KLHL30: variants seen among roughly 807,000 people sequenced by gnomAD.
The protein encoded by KLHL30 is kelch-like protein 30.
In KLHL30, 55 loss-of-function variants were observed where a neutral mutation model predicts 55.0. The observed-to-expected ratio is 1.00, with a 90% CI of 0.80 to 1.25. The LOEUF is 1.25. KLHL30 is among the 50% of genes most tolerant of loss of function. The pLI is 0.00. For synonymous variants in KLHL30, 356 were observed against 372.6 expected, an observed-to-expected ratio of 0.96 and a Z score of 0.51; for missense variants, 786 against 811.6, an observed-to-expected ratio of 0.97 and a Z score of 0.38.
At position 238,147,842 on chromosome 2, in the gene KLHL30, C is replaced by T. The variant is rs748201482; in HGVS notation, c.1159C>T (p.Leu387=). The part of the protein sequence containing the change: ...GEIYVIGGTT[L]DVVEVESYDP... ...CCGCCCTCACCCCACAGGCACCACC[C>T]TGGACGTGGTGGAGGTGGAGAGCTA... Residue 387 remains leucine, a synonymous_variant, in exon 6 of 8, where the codon CTG becomes TTG. Transcript: ENST00000409223. The surrounding 1 kb of genome is among the most constrained non-coding windows in gnomAD (Gnocchi z 5.8). 7 of 1,513,662 alleles carry T rather than the reference C, an allele frequency of 4.6e-6. No individual in the cohort carries two copies. Among genetic ancestry groups the T allele is most frequent in the South Asian group, 1.3e-5 (1 of 77,706 alleles). The allele number at this position is 1,513,662 out of a possible 1,614,324, so 93.8% of individuals were successfully genotyped here. A position where few individuals can be genotyped will look rare whatever the true frequency, so the allele number is the denominator to read the frequency against.
intron 6 of KLHL30, among the ~76,000 whole-genome samples, chr2:238,148,356 G>A (rs940459303): frequency 2.6e-5 from 4 of 152,200 alleles, no homozygotes; most frequent in African/African-American, 9.6e-5. Context: ...CAGCTGCCTG[G>A]CTGTTCTTCT....
At chr2:238,150,569 T>A (rs780844453) in intron 7 of KLHL30, among the ~76,000 whole-genome samples, 8 of 151,630 alleles carry the variant, frequency 5.3e-5, no homozygotes, top group Non-Finnish European at 1.0e-4. Context: ...ACTGCAGGGG[T>A]TGGAAGTGTC....
chr2:238,150,706 C>T, intron 7 of KLHL30, 108 bp from the exon 8 acceptor site: 1 of 1,305,980 alleles, frequency 7.7e-7, no homozygotes, highest in South Asian at 1.4e-5. Context: ...GGATCTGGGC[C>T]AGGTGGCTGG....
Position 238,151,253 on chromosome 2 carries a change from C to A in KLHL30, c.*188C>A. The A allele has an allele frequency of 1.3e-6, 1 of 789,484 alleles. No homozygotes were observed. Among genetic ancestry groups the A allele is most frequent in the Non-Finnish European group, 2.0e-6 (1 of 509,166 alleles). 48.9% of individuals were successfully genotyped at this position (789,484 alleles called of 1,614,324 possible). On this transcript the variant is annotated 3_prime_UTR_variant, in exon 8 of 8. Transcript: ENST00000409223. The stretch of plus-strand genomic sequence containing the variant: ...AGCCTTGGTCTCTGTGGCCACCACA[C>A]TAAACTCTGAGCTGAGCAGTGACAA...
In KLHL30 at chr2:238,141,261, C is replaced by T. The variant is rs190263466; in HGVS notation, c.507C>T (p.Asp169=). ...ACTTTGAGGCTGTGGCACGTGAGGA[C>T]GAGTTCCTGCAGCTTCCCCGAGAGC... ...RENFEAVARE[D]EFLQLPRERL... Residue 169 remains aspartate, a synonymous_variant, in exon 2 of 8, where the codon GAC becomes GAT. Transcript: ENST00000409223. The T allele has an allele frequency of 3.4e-4, 546 of 1,604,966 alleles. 2 individuals carry two copies. In the African/African-American group the frequency reaches 5.7e-3, roughly 17 times the overall value.
chr2:238,139,749 G>C (rs1248970774), intron 1 of KLHL30, among the ~76,000 whole-genome samples: 1 of 152,210 alleles, frequency 6.6e-6, no homozygotes, highest in Non-Finnish European at 1.5e-5. Flanking sequence ...GCCCCGCGAG[G>C]CGCCCCCTAG....
rs1324099037 is a variant in KLHL30 at position 238,150,977 on chromosome 2, C to G, written c.1649C>G (p.Pro550Arg). ...ACCTGGACCCGCCACGGCGCCCTGC[C>G]CCGGCTCTGGCTCTACCACGGGGCC... is the stretch of plus-strand genomic sequence containing the variant. ...RDTWTRHGALPRLWLYHGAST... is the reference protein window; with the variant it reads ...RDTWTRHGALRRLWLYHGAST... Residue 550 changes from proline (P) to arginine (R), a missense_variant, in exon 8 of 8, where the codon CCC (proline) becomes CGC (arginine). Pro to Arg is a moderately radical substitution (Grantham distance 103, BLOSUM62 -2). Coordinates refer to ENST00000409223, the MANE Select transcript of KLHL30 (RefSeq NM_198582.4). 13 of 1,591,032 alleles carry G rather than the reference C, an allele frequency of 8.2e-6. No individual in the cohort carries two copies. In the East Asian group the frequency reaches 3.0e-4, roughly 37 times the overall value.
At chr2:238,140,318 G>A (rs896278486) in intron 1 of KLHL30, among the ~76,000 whole-genome samples, 3 of 152,204 alleles carry the variant, frequency 2.0e-5, no homozygotes, top group South Asian at 2.1e-4. Context: ...GACGGAGGAC[G>A]CCTCCCGGGA....
At chr2:238,150,292 G>A (rs760778810) in intron 7 of KLHL30, among the ~76,000 whole-genome samples, 9 of 152,212 alleles carry the variant, frequency 5.9e-5, no homozygotes, top group East Asian at 1.9e-4. Context: ...CTTCCCACCC[G>A]CCCGGGCTCT....
chr2:238,151,150 G>C lies in KLHL30; in HGVS notation c.*85G>C. On this transcript the variant is annotated 3_prime_UTR_variant, in exon 8 of 8. Transcript: ENST00000409223. ...CGGCCCCTTTCATTTTCGCTTATTT[G>C]TTCACTCGGAGCTACCATTCCTTCC... is the stretch of plus-strand genomic sequence containing the variant. 1 of 1,485,190 alleles carries C rather than the reference G, an allele frequency of 6.7e-7. No individual in the cohort carries two copies. Among genetic ancestry groups the C allele is most frequent in the Non-Finnish European group, 9.0e-7 (1 of 1,107,418 alleles). 92.0% of individuals were successfully genotyped at this position (1,485,190 alleles called of 1,614,324 possible).
chr2:238,144,823 G>A (rs1268462918), intron 3 of KLHL30, 79 bp from the exon 4 acceptor site: 5 of 1,044,776 alleles, frequency 4.8e-6, no homozygotes, highest in South Asian at 1.3e-5. Flanking sequence ...GCATGGAAAG[G>A]CACCTGGGAA....
intron 1 of KLHL30, among the ~76,000 whole-genome samples, chr2:238,139,442 C>T (rs746555540): frequency 2.0e-5 from 3 of 152,284 alleles, no homozygotes; most frequent in East Asian, 1.9e-4. Context: ...GTGTACCGGC[C>T]GGGATGCTGG....
Position 238,140,857 on chromosome 2 carries a change from G to A in KLHL30, c.103G>A (p.Val35Ile), listed in dbSNP as rs371977870. The A allele has an allele frequency of 1.0e-4, 163 of 1,610,832 alleles. 1 individual carries two copies. In the Admixed American group the frequency reaches 2.5e-3, roughly 25 times the overall value. The change falls in exon 2 of 8, where the codon GTC becomes ATC. Residue 35 changes from valine to isoleucine, a missense_variant. Val to Ile is a conservative substitution (Grantham distance 29). Coordinates refer to ENST00000409223, the MANE Select transcript of KLHL30 (RefSeq NM_198582.4). ...RLRSQPKLADVTLLVGGRELP... is the reference protein window; with the variant it reads ...RLRSQPKLADITLLVGGRELP... ...GCGCTCTCAGCCCAAGCTGGCCGAC[G>A]TCACACTGCTGGTGGGCGGCCGGGA...
chr2:238,139,626 C>T (rs143086536), intron 1 of KLHL30, among the ~76,000 whole-genome samples: 24 of 152,318 alleles, frequency 1.6e-4, no homozygotes, highest in Non-Finnish European at 2.5e-4. Flanking sequence ...CGTGGCTGCC[C>T]GGGCCAGATT....
rs1559276349 is a variant in KLHL30, at chr2:238,144,955, C to G, written c.961C>G (p.Leu321Val). The part of the protein sequence containing the change: ...FPDYHKWGFS[L>V]AALNNNIYVT... ...CGACTATCACAAGTGGGGTTTCTCC[C>G]TGGCGGCCCTGAACAACAACATCTA... Residue 321 changes from leucine (L) to valine (V), a missense_variant, in exon 4 of 8, where the codon CTG becomes GTG. By Grantham distance (32) the Leu-to-Val change is conservative (BLOSUM62 1). Transcript: ENST00000409223. 1 of 1,610,230 alleles carries G rather than the reference C, an allele frequency of 6.2e-7. No homozygotes were observed. Among genetic ancestry groups the G allele is most frequent in the Middle Eastern group, 1.6e-4 (1 of 6,062 alleles).
chr2:238,149,168 C>A lies in KLHL30; in HGVS notation c.1485+16C>A. ...GTGGCAGAAGGTGGGCCGCCCCCTC[C>A]CCCAACATGTGTGAGCCCCTGCCCA... is the stretch of plus-strand genomic sequence containing the variant. On this transcript the variant is annotated intron_variant, in intron 7 of 7. Coordinates refer to ENST00000409223, the MANE Select transcript of KLHL30 (RefSeq NM_198582.4). The A allele has an allele frequency of 2.5e-6, 4 of 1,611,884 alleles. No individual in the cohort carries two copies. The highest frequency in any genetic ancestry group is 3.4e-6 in the Non-Finnish European group (4 of 1,179,612).
intron 5 of KLHL30, among the ~76,000 whole-genome samples, chr2:238,146,208 A>G (rs1692645430): frequency 6.6e-6 from 1 of 151,934 alleles, no homozygotes; most frequent in African/African-American, 2.4e-5. Context: ...GTCACTGATT[A>G]AAGGAACATC....
In KLHL30 at chr2:238,151,115, G is replaced by A. The variant is rs189972381; in HGVS notation, c.*50G>A. On this transcript the variant is annotated 3_prime_UTR_variant, in exon 8 of 8. Transcript: ENST00000409223. ...GAGTCCCCACAGCGGCCCCTCATCA[G>A]CCTGTGGAACGGCCCCTTTCATTTT... The A allele has an allele frequency of 1.2e-5, 18 of 1,540,294 alleles. No individual in the cohort carries two copies. The highest frequency in any genetic ancestry group is 1.6e-5 in the Non-Finnish European group (18 of 1,139,906).
At chr2:238,144,242 A>T (rs1422795671) in intron 3 of KLHL30, among the ~76,000 whole-genome samples, 1 of 152,134 alleles carries the variant, frequency 6.6e-6, no homozygotes, top group Non-Finnish European at 1.5e-5. Flanking sequence ...CAACAAGGAA[A>T]CTGAGGCTGG....
Sources: allele counts gnomAD v4.1 joint callset (sites outside exome capture counted in the v4.1 genomes callset), GRCh38; gene constraint gnomAD v4.1.1; non-coding constraint Gnocchi (gnomAD v3.1); transcripts MANE v1.5; gene names NCBI Gene and HGNC (gene_info 2026-07-23, HGNC 2026-07-21).